CAPN9: variants seen among roughly 807,000 people sequenced by gnomAD.
CAPN9 encodes calpain 9, also known as calpain-9.
A neutral mutation model predicts 92.8 loss-of-function variants in CAPN9; 81 were observed. That is an observed-to-expected ratio of 0.87 (90% CI 0.73 to 1.05). The LOEUF is 1.05. Among genes scored for constraint, CAPN9 ranks in the 50% least tolerant of loss-of-function variants. The pLI, the probability that CAPN9 is intolerant of heterozygous loss-of-function variation, is 0.00. For synonymous variants in CAPN9, 304 were observed against 328.0 expected (o/e 0.93, Z 0.79); for missense variants, 848 against 866.2 (o/e 0.98, Z 0.26).
intron 1 of CAPN9, among the ~76,000 whole-genome samples, chr1:230,751,064 T>C (rs914763122): frequency 6.6e-6 from 1 of 152,140 alleles, no homozygotes; most frequent in Non-Finnish European, 1.5e-5. Flanking sequence ...GGCCAGGCAA[T>C]TCCCCCCCAC....
chr1:230,748,356 G>A (rs141064712), intron 1 of CAPN9, among the ~76,000 whole-genome samples: 4 of 152,328 alleles, frequency 2.6e-5, no homozygotes, highest in African/African-American at 9.6e-5. Flanking sequence ...TGCGGTGCTG[G>A]ATTAGTCAGG....
chr1:230,767,324 C>G (rs1351536606), intron 4 of CAPN9, among the ~76,000 whole-genome samples: 2 of 152,174 alleles, frequency 1.3e-5, no homozygotes, highest in African/African-American at 2.4e-5. Context: ...TACCACCACA[C>G]CACACTGCCT....
intron 3 of CAPN9, among the ~76,000 whole-genome samples, chr1:230,761,266 T>G (rs770621548): frequency 1.3e-5 from 2 of 152,106 alleles, no homozygotes; most frequent in South Asian, 2.1e-4. Flanking sequence ...CCTCTTCCAC[T>G]CCTCAGCCAC....
rs984018565 is a variant in CAPN9 at position 230,767,656 on chromosome 1, G to A, written c.652G>A (p.Glu218Lys). 5 of 1,613,768 alleles carry A rather than the reference G, an allele frequency of 3.1e-6. No individual in the cohort carries two copies. The highest frequency in any genetic ancestry group is 4.2e-6 in the Non-Finnish European group (5 of 1,179,972). ...QTKEAPENFY[E>K]ILEKALKRGS... ...TAAAGAGGCCCCCGAGAACTTCTAT[G>A]AGATTCTAGAGAAGGCTTTGAAGAG... is the stretch of plus-strand genomic sequence containing the variant. The change falls in exon 5 of 20, where the codon GAG becomes AAG. Residue 218 changes from glutamate to lysine, a missense_variant. Transcript: ENST00000271971.
chr1:230,773,127 G>A (rs1666499489), intron 7 of CAPN9, among the ~76,000 whole-genome samples: 1 of 152,130 alleles, frequency 6.6e-6, no homozygotes, highest in Non-Finnish European at 1.5e-5. Context: ...GCCAGACATG[G>A]TGCAGCCGCT....
rs1198316780 is a variant in CAPN9 at position 230,783,615 on chromosome 1, G to A, written c.1482-2366G>A. 3.3e-5 allele frequency among the ~76,000 whole-genome samples: 5 copies of A among 152,298 alleles called. No individual in the cohort carries two copies. The East Asian group carries it at 5.8e-4, about 18-fold the overall frequency. On this transcript the variant is annotated intron_variant, in intron 11 of 19. Coordinates refer to ENST00000271971, the MANE Select transcript of CAPN9 (RefSeq NM_006615.3). ...TCAAGGAGTTAAGTTAACTTCTAGG[G>A]AATACACCATGCTTCTTTGTAAAGC... is the stretch of plus-strand genomic sequence containing the variant.
At chr1:230,754,257 A>G (rs1001603338) in intron 1 of CAPN9, among the ~76,000 whole-genome samples, 4 of 152,166 alleles carry the variant, frequency 2.6e-5, no homozygotes, top group African/African-American at 9.7e-5. Context: ...CAACTCAAAG[A>G]GTGGAAGAAT....
intron 8 of CAPN9, among the ~76,000 whole-genome samples, chr1:230,777,928 T>C (rs914499892): frequency 6.6e-6 from 1 of 152,284 alleles, no homozygotes; most frequent in African/African-American, 2.4e-5. Flanking sequence ...TCCCACTCTT[T>C]AGGCGTCTCG....
intron 7 of CAPN9, 69 bp downstream of exon 7, chr1:230,772,168 A>G: frequency 1.5e-6 from 2 of 1,327,952 alleles, no homozygotes; most frequent in Non-Finnish European, 2.2e-6. Flanking sequence ...GCTTGTGCAG[A>G]CATGTGAAGG....
chr1:230,762,194 G>A (rs1003219766), intron 3 of CAPN9, among the ~76,000 whole-genome samples: 10 of 152,318 alleles, frequency 6.6e-5, no homozygotes, highest in African/African-American at 2.4e-4. Flanking sequence ...TTATGGGCGA[G>A]GAGGGAGCAA....
chr1:230,752,800 T>C (rs1664931682), intron 1 of CAPN9: 11 of 663,662 alleles, frequency 1.7e-5, no homozygotes, highest in Non-Finnish European at 2.1e-5. Flanking sequence ...AGGGAGGGCT[T>C]GGGGGACTCC....
intron 1 of CAPN9, among the ~76,000 whole-genome samples, chr1:230,748,331 C>T (rs555761524): frequency 7.9e-5 from 12 of 152,304 alleles, no homozygotes; most frequent in South Asian, 4.1e-4. Context: ...GTGCCTGGGA[C>T]GCCATGTCAA....
chr1:230,758,199 G>A (rs1057027532), intron 2 of CAPN9, among the ~76,000 whole-genome samples: 1 of 152,242 alleles, frequency 6.6e-6, no homozygotes, highest in Admixed American at 6.5e-5. Context: ...ACTGGGCAAA[G>A]TTGAAACTTG....
At chr1:230,755,053 T>C (rs1665135499) in intron 1 of CAPN9, among the ~76,000 whole-genome samples, 1 of 152,160 alleles carries the variant, frequency 6.6e-6, no homozygotes, top group African/African-American at 2.4e-5. Flanking sequence ...TGTCCAGCTT[T>C]GTGGCCGGGT....
Position 230,764,456 on chromosome 1 carries a change from A to C in CAPN9, c.536+1670A>C, listed in dbSNP as rs980478358. ...TGGACTCAAACTGAATGATACCACCAGCTTTCCTGGTTCTCCAGTTTGCAA... is the reference window on the plus strand; with the variant it reads ...TGGACTCAAACTGAATGATACCACCCGCTTTCCTGGTTCTCCAGTTTGCAA... On this transcript the variant is annotated intron_variant, in intron 4 of 19. Transcript: ENST00000271971. Among the ~76,000 whole-genome samples the C allele has an allele frequency of 3.3e-5, 5 of 152,346 alleles. No homozygotes were observed. In the Middle Eastern group the frequency reaches 0.01, roughly 311 times the overall value.
At chr1:230,792,978 C>A in intron 17 of CAPN9, 50 bp downstream of exon 17, 1 of 1,395,524 alleles carries the variant, frequency 7.2e-7, no homozygotes, top group Non-Finnish European at 1.0e-6. Context: ...CAGGTACTGC[C>A]TGTGGGCAAC....
At position 230,779,161 on chromosome 1, in the gene CAPN9, G is replaced by A. The variant is rs751751022; in HGVS notation, c.1114+28G>A. The A allele has an allele frequency of 3.7e-6, 6 of 1,608,812 alleles. No homozygotes were observed. The Admixed American group carries it at 1.0e-4, about 27-fold the overall frequency. The stretch of plus-strand genomic sequence containing the variant: ...AGGTAGGCTGCCTGTCACTCTCTCT[G>A]CCACTCCCAAGTGTCCCTTCCAACT... On this transcript the variant is annotated intron_variant, in intron 9 of 19. Transcript: ENST00000271971.
chr1:230,764,507 G>A (rs753242262), intron 4 of CAPN9, among the ~76,000 whole-genome samples: 14 of 152,258 alleles, frequency 9.2e-5, no homozygotes, highest in South Asian at 4.1e-4. Flanking sequence ...ATTTCTTGGC[G>A]TCCGTAACTA....
chr1:230,765,725 G>A (rs1361451628), intron 4 of CAPN9, among the ~76,000 whole-genome samples: 1 of 152,112 alleles, frequency 6.6e-6, no homozygotes, highest in Non-Finnish European at 1.5e-5. Flanking sequence ...ATATCAATGG[G>A]TTCATACTAA....
Sources: gnomAD v4.1 joint callset for allele counts (sites outside exome capture counted in the v4.1 genomes callset) on GRCh38, gnomAD v4.1.1 for gene constraint, MANE v1.5 for transcripts, NCBI Gene and HGNC (gene_info 2026-07-23, HGNC 2026-07-21) for gene names.